The following CCDC169 variants were observed in gnomAD, a reference collection of about 807,000 sequenced individuals.
CCDC169 encodes the protein coiled-coil domain containing 169.
CCDC169 carries 30 observed loss-of-function variants against 36.0 expected under a neutral mutation model. That is an observed-to-expected ratio of 0.83 (90% CI 0.62 to 1.13). The LOEUF (loss-of-function observed/expected upper bound fraction) is 1.13, where lower values mean the gene tolerates loss of function less well. Among genes scored for constraint, CCDC169 ranks in the 50% most tolerant of loss-of-function variants. The pLI, the probability that CCDC169 is intolerant of heterozygous loss-of-function variation, is 0.00. For synonymous variants in CCDC169, 85 were observed against 81.5 expected (o/e 1.04, Z -0.23); for missense variants, 245 against 245.9 (o/e 1.00, Z 0.03).
chr13:36,297,665 G>A lies in CCDC169; in HGVS notation c.55C>T (p.Gln19Ter). The change falls in exon 1 of 8, where the codon CAG (glutamine) becomes TAG (stop). Residue 19 changes from glutamine (Q) to a stop codon, truncating the protein, a stop_gained. Transcript: ENST00000239859. LOFTEE classifies it high-confidence loss of function. ...FDGVSTNRLK[Q>*]QLLEEVRKKD... ...TTGCGGACTTCTTCCAGCAACTGCT[G>A]TTTCAGGCGGTTGGTGCTCACACCG... 2 of 1,551,252 alleles carry A rather than the reference G, an allele frequency of 1.3e-6. No homozygotes were observed. Among genetic ancestry groups the A allele is most frequent in the East Asian group, 4.9e-5 (2 of 40,900 alleles).
chr13:36,268,903 A>C (rs1875679598), intron 4 of CCDC169, among the ~76,000 whole-genome samples: 1 of 152,026 alleles, frequency 6.6e-6, no homozygotes, highest in South Asian at 2.1e-4. Context: ...TCAGGAGTTC[A>C]AGATCAGCCC....
intron 4 of CCDC169, among the ~76,000 whole-genome samples, chr13:36,265,928 G>T (rs1255980236): frequency 6.6e-6 from 1 of 152,158 alleles, no homozygotes; most frequent in Non-Finnish European, 1.5e-5. Context: ...CTCAGACCCT[G>T]TGCTCAATCA....
downstream of CCDC169, among the ~76,000 whole-genome samples, chr13:36,229,852 T>A (rs1870229896): frequency 1.3e-5 from 2 of 152,074 alleles, no homozygotes; most frequent in African/African-American, 4.8e-5. Context: ...CTATAATTAT[T>A]ATTTAAATTA....
intron 7 of CCDC169, among the ~76,000 whole-genome samples, chr13:36,243,062 G>T (rs1872046043): frequency 6.6e-6 from 1 of 152,180 alleles, no homozygotes; most frequent in Non-Finnish European, 1.5e-5. Flanking sequence ...GGGTCATCCT[G>T]CCAGAGGAAG....
At chr13:36,229,157 C>T (rs1031953294), downstream of CCDC169, among the ~76,000 whole-genome samples, 1 of 152,086 alleles carries the variant, frequency 6.6e-6, no homozygotes, top group African/African-American at 2.4e-5. Context: ...CCTTGATCTG[C>T]ACAGCAATCT....
intron 4 of CCDC169, among the ~76,000 whole-genome samples, chr13:36,264,541 A>C (rs1174726362): frequency 6.6e-6 from 1 of 152,168 alleles, no homozygotes; most frequent in Non-Finnish European, 1.5e-5. Context: ...AAGAGATATG[A>C]TGAAAATAGG....
At chr13:36,266,886 C>T (rs1457546449) in intron 4 of CCDC169, among the ~76,000 whole-genome samples, 1 of 152,180 alleles carries the variant, frequency 6.6e-6, no homozygotes, top group Non-Finnish European at 1.5e-5. Flanking sequence ...GAGCCAGTTA[C>T]AAATTACCTC....
intron 2 of CCDC169, among the ~76,000 whole-genome samples, chr13:36,288,420 T>C (rs758800446): frequency 3.9e-5 from 6 of 152,238 alleles, no homozygotes; most frequent in Admixed American, 1.3e-4. Flanking sequence ...GTAAATGAGA[T>C]AAATGCTTGT....
At chr13:36,283,040 T>C (rs1160512394) in intron 4 of CCDC169, 1 of 165,010 alleles carries the variant, frequency 6.1e-6, no homozygotes, top group Non-Finnish European at 1.3e-5. Context: ...AAGAGGGCGA[T>C]ATAACTCTAT....
intron 4 of CCDC169, among the ~76,000 whole-genome samples, chr13:36,267,495 A>G (rs1041500985): frequency 9.2e-5 from 14 of 152,190 alleles, no homozygotes; most frequent in Admixed American, 3.9e-4. Context: ...ATATGTACCA[A>G]AACAGAACCT....
At chr13:36,274,907 C>T (rs1267248322) in intron 4 of CCDC169, among the ~76,000 whole-genome samples, 5 of 134,572 alleles carry the variant, frequency 3.7e-5, no homozygotes, top group Non-Finnish European at 7.7e-5. Flanking sequence ...GTCTCCCTGT[C>T]GCCCAGGCTG....
At chr13:36,253,719 A>C in intron 6 of CCDC169, 84 bp downstream of exon 6, 1 of 1,483,312 alleles carries the variant, frequency 6.7e-7, no homozygotes, top group Non-Finnish European at 9.0e-7. Context: ...TTCTCTCCCA[A>C]ACCAAAAACA....
intron 6 of CCDC169, among the ~76,000 whole-genome samples, chr13:36,251,279 T>G (rs1220298938): frequency 6.6e-6 from 1 of 152,210 alleles, no homozygotes; most frequent in Non-Finnish European, 1.5e-5. Flanking sequence ...TGGGAAGAAC[T>G]GCAAATCATC....
At chr13:36,241,455 T>C (rs1871810029) in intron 7 of CCDC169, among the ~76,000 whole-genome samples, 1 of 152,236 alleles carries the variant, frequency 6.6e-6, no homozygotes, top group Admixed American at 6.5e-5. Flanking sequence ...CATCACAGTT[T>C]ACTTTTGTCT....
chr13:36,272,958 C>G (rs188856991), intron 4 of CCDC169, among the ~76,000 whole-genome samples: 5 of 152,312 alleles, frequency 3.3e-5, no homozygotes, highest in African/African-American at 9.6e-5. Context: ...CCACCTTCTT[C>G]CATACCTGCC....
chr13:36,273,998 C>T (rs1566082023), intron 4 of CCDC169, among the ~76,000 whole-genome samples: 1 of 152,196 alleles, frequency 6.6e-6, no homozygotes, highest in South Asian at 2.1e-4. Flanking sequence ...GCATTGCCCC[C>T]ACACACAGTT....
chr13:36,264,211 G>A (rs946627540), intron 4 of CCDC169, among the ~76,000 whole-genome samples: 2 of 151,882 alleles, frequency 1.3e-5, no homozygotes, highest in African/African-American at 4.8e-5. Flanking sequence ...AAAAATACAG[G>A]CAATATATGA....
chr13:36,228,918 A>G (rs1870132235), downstream of CCDC169, among the ~76,000 whole-genome samples: 1 of 152,196 alleles, frequency 6.6e-6, no homozygotes, highest in Admixed American at 6.5e-5. Flanking sequence ...CTCTACTTGT[A>G]TATTCCTTCT....
intron 7 of CCDC169, among the ~76,000 whole-genome samples, chr13:36,236,612 G>T (rs1333073197): frequency 6.6e-6 from 1 of 152,004 alleles, no homozygotes; most frequent in Non-Finnish European, 1.5e-5. Flanking sequence ...AAAAGTAGAT[G>T]ATGGTCTTTA....
Sources: allele counts gnomAD v4.1 joint callset (sites outside exome capture counted in the v4.1 genomes callset), GRCh38; gene constraint gnomAD v4.1.1; transcripts MANE v1.5; gene names NCBI Gene and HGNC (gene_info 2026-07-23, HGNC 2026-07-21).